KNTC1: variants seen among roughly 807,000 people sequenced by gnomAD.
KNTC1 encodes the protein kinetochore-associated protein 1.
A neutral mutation model predicts 314.4 loss-of-function variants in KNTC1; 253 were observed. That is an observed-to-expected ratio of 0.80 (90% confidence interval 0.73 to 0.89). KNTC1 has a LOEUF of 0.89. KNTC1 is among the 40% of genes least tolerant of loss of function. The pLI is 0.00. For missense variants in KNTC1, 2,475 were observed against 2,572.9 expected, an observed-to-expected ratio of 0.96 and a Z score of 0.82; for synonymous variants, 901 against 901.4, an observed-to-expected ratio of 1.00 and a Z score of 0.01.
intron 59 of KNTC1, among the ~76,000 whole-genome samples, chr12:122,619,050 T>C (rs1874108724): frequency 7.0e-6 from 1 of 142,594 alleles, no homozygotes; most frequent in African/African-American, 2.6e-5. Context: ...TTTTTGTTTT[T>C]TGTTTTTGTT....
chr12:122,535,654 A>G (rs1961739664), intron 3 of KNTC1, among the ~76,000 whole-genome samples: 1 of 150,362 alleles, frequency 6.7e-6, no homozygotes, highest in African/African-American at 2.4e-5. Flanking sequence ...AAAAACAACA[A>G]CAACAACAAA....
At chr12:122,548,613 A>G (rs1962963370) in intron 12 of KNTC1, among the ~76,000 whole-genome samples, 1 of 152,122 alleles carries the variant, frequency 6.6e-6, no homozygotes, top group African/African-American at 2.4e-5. Context: ...ATATGTATGG[A>G]TTTTCATTCA....
Position 122,539,677 on chromosome 12 carries a change from C to T in KNTC1, c.368C>T (p.Ala123Val). 6.5e-7 allele frequency: 1 copy of T among 1,549,116 alleles called. No individual in the cohort carries two copies. Among genetic ancestry groups the T allele is most frequent in the Non-Finnish European group, 8.7e-7 (1 of 1,143,358 alleles). Residue 123 changes from alanine (A) to valine (V), a missense_variant and splice_region_variant, in exon 5 of 64, where the codon GCA becomes GTA. By Grantham distance (64) the Ala-to-Val change is moderately conservative. Coordinates refer to ENST00000333479, the MANE Select transcript of KNTC1 (RefSeq NM_014708.6). ...VTSKQTLLTN[A>V]FVQKANDENR... ...TATTTGAAATTAATTTGCATTTAGG[C>T]ATTTGTTCAGAAAGCTAACGATGAA...
Position 122,580,732 on chromosome 12 carries a change from T to C in KNTC1, c.2982+62T>C, listed in dbSNP as rs547078174. The C allele has an allele frequency of 1.8e-4, 206 of 1,164,622 alleles. 6 individuals are homozygous for C. The South Asian group carries it at 2.9e-3, about 16-fold the overall frequency. 72.1% of individuals were successfully genotyped at this position (1,164,622 alleles called of 1,614,324 possible). A position where few individuals can be genotyped will look rare whatever the true frequency, so the allele number is the denominator to read the frequency against. On this transcript the variant is annotated intron_variant, in intron 33 of 63. Transcript: ENST00000333479. ...ACCAATCAGTGCATTTTTCCCTCCT[T>C]AAAGTTTTCTGTATGGCTGGGCGCA...
chr12:122,624,521 G>T, intron 62 of KNTC1, 77 bp from the exon 63 acceptor site: 1 of 976,846 alleles, frequency 1.0e-6, no homozygotes. Flanking sequence ...GTACATCTTG[G>T]CCTCCCTGAG....
At chr12:122,615,248 G>C (rs1873645674) in intron 56 of KNTC1, among the ~76,000 whole-genome samples, 162 bp downstream of exon 56, 1 of 152,204 alleles carries the variant, frequency 6.6e-6, no homozygotes, top group Non-Finnish European at 1.5e-5. Flanking sequence ...TGTTAGACCA[G>C]AGAGTGCAAA....
chr12:122,558,350 C>T, intron 18 of KNTC1, among the ~76,000 whole-genome samples: 1 of 152,014 alleles, frequency 6.6e-6, no homozygotes, highest in East Asian at 1.9e-4. Context: ...AGTTGAAGAC[C>T]AGCCTGGCCA....
At chr12:122,613,011 T>C in intron 53 of KNTC1, 101 bp from the exon 54 acceptor site, 1 of 712,576 alleles carries the variant, frequency 1.4e-6, no homozygotes, top group Non-Finnish European at 2.5e-6. Flanking sequence ...TGACTTTACA[T>C]TTTAAAATAA....
intron 24 of KNTC1, among the ~76,000 whole-genome samples, chr12:122,571,924 C>CTCCTG (rs1565970080): frequency 6.6e-6 from 1 of 151,738 alleles, no homozygotes; most frequent in African/African-American, 2.4e-5. Context: ...CTGCACTGCT[C>CTCCTG]GGCCTCCCAA....
intron 59 of KNTC1, among the ~76,000 whole-genome samples, chr12:122,619,205 G>A (rs541988181): frequency 1.4e-5 from 2 of 144,632 alleles, no homozygotes; most frequent in South Asian, 2.3e-4. Flanking sequence ...TTACAGGCAC[G>A]TGCCACCATG....
intron 43 of KNTC1, among the ~76,000 whole-genome samples, chr12:122,596,518 AT>A (rs560127261): frequency 8.7e-5 from 13 of 149,534 alleles, no homozygotes; most frequent in Non-Finnish European, 1.8e-4. Flanking sequence ...GCCCAGCCTG[AT>A]TTTTTTTATC....
intron 51 of KNTC1, among the ~76,000 whole-genome samples, chr12:122,608,557 G>A (rs181603562): frequency 5.8e-4 from 88 of 152,316 alleles, no homozygotes; most frequent in African/African-American, 1.8e-3. Flanking sequence ...TCTTGGCCAC[G>A]TAGAATATGT....
At position 122,626,224 on chromosome 12, in the gene KNTC1, C is replaced by T. The variant is rs772156434; in HGVS notation, c.6626C>T (p.Ser2209Leu). The T allele has an allele frequency of 1.5e-5, 24 of 1,585,706 alleles. No individual in the cohort carries two copies. Among genetic ancestry groups the T allele is most frequent in the African/African-American group, 2.7e-5 (2 of 74,502 alleles). ...EILKMFLSGL[S>L] ...ATTTAGATGTTTCTTAGTGGATTAT[C>T]GTAAATCACTGAACCTTTTTTTCAA... The change falls in exon 64 of 64, where the codon TCG becomes TTG. Residue 2209 changes from serine (S) to leucine (L), a missense_variant. Coordinates refer to ENST00000333479, the MANE Select transcript of KNTC1 (RefSeq NM_014708.6).
At chr12:122,603,860 T>C (rs1462351602) in intron 48 of KNTC1, among the ~76,000 whole-genome samples, 1 of 152,192 alleles carries the variant, frequency 6.6e-6, no homozygotes, top group Admixed American at 6.5e-5. Flanking sequence ...GCATAGGCAC[T>C]CACTGCTACA....
At chr12:122,618,299 A>G (rs760888642) in intron 57 of KNTC1, 44 bp from the exon 58 acceptor site, 1 of 1,579,234 alleles carries the variant, frequency 6.3e-7, no homozygotes, top group Admixed American at 1.7e-5. Flanking sequence ...AGAGTTTGTA[A>G]TATCCTTAAC....
intron 51 of KNTC1, among the ~76,000 whole-genome samples, chr12:122,605,834 G>A (rs923649996): frequency 1.3e-5 from 2 of 151,990 alleles, no homozygotes; most frequent in Non-Finnish European, 2.9e-5. Flanking sequence ...GTGAGCCACT[G>A]CACCTGGCCT....
chr12:122,609,298 T>A (rs928143647), intron 51 of KNTC1, 86 bp from the exon 52 acceptor site: 10 of 816,650 alleles, frequency 1.2e-5, no homozygotes, highest in Non-Finnish European at 2.0e-6. Flanking sequence ...ATTAGGTTTT[T>A]TATCTAATAG....
intron 1 of KNTC1, 98 bp from the exon 2 acceptor site, chr12:122,529,890 CAAG>C (rs1961157914): frequency 1.8e-6 from 1 of 561,208 alleles, no homozygotes. Context: ...ACAGCAATAA[CAAG>C]AAGACTAAGA....
In KNTC1 at chr12:122,602,591, T is replaced by A. The variant is rs767576864; in HGVS notation, c.4676T>A (p.Leu1559Ter). 1 of 1,609,978 alleles carries A rather than the reference T, an allele frequency of 6.2e-7. No individual in the cohort carries two copies. The highest frequency in any genetic ancestry group is 8.5e-7 in the Non-Finnish European group (1 of 1,176,984). The change falls in exon 46 of 64, where the codon TTG (leucine) becomes TAG (stop). Residue 1559 changes from leucine to a stop codon, truncating the protein, a stop_gained. Transcript: ENST00000333479. LOFTEE classifies it high-confidence loss of function. ...TAGGCATTGAGTATTCTGAAACATT[T>A]GAAGTCATACAGAAGAATTTCTCCT... is the stretch of plus-strand genomic sequence containing the variant. ...INQALSILKH[L>*]KSYRRISPPV...
Sources: gnomAD v4.1 joint callset for allele counts (sites outside exome capture counted in the v4.1 genomes callset) on GRCh38, gnomAD v4.1.1 for gene constraint, MANE v1.5 for transcripts, NCBI Gene and HGNC (gene_info 2026-07-23, HGNC 2026-07-21) for gene names.